The following DGKB variants were observed in gnomAD, a reference collection of about 807,000 sequenced individuals.
The protein encoded by DGKB is diacylglycerol kinase beta, also known as 90 kDa diacylglycerol kinase.
A neutral mutation model predicts 114.3 loss-of-function variants in DGKB; 67 were observed. The ratio of observed to expected loss-of-function variants is 0.59; its 90% CI spans 0.48 to 0.72. DGKB has a LOEUF of 0.72. Ranked by LOEUF, DGKB falls within the 30% of genes least tolerant of loss-of-function variation. DGKB has a pLI of 0.00. For missense variants in DGKB, 907 were observed against 975.2 expected, an observed-to-expected ratio of 0.93 and a Z score of 0.93; for synonymous variants, 398 against 323.1, an observed-to-expected ratio of 1.23 and a Z score of -2.49.
intron 2 of DGKB, among the ~76,000 whole-genome samples, chr7:14,780,327 G>A (rs1018292572): frequency 6.6e-6 from 1 of 152,132 alleles, no homozygotes; most frequent in African/African-American, 2.4e-5. Flanking sequence ...TGGTCTCTGT[G>A]CTTTAGCATC....
chr7:14,678,644 A>C (rs1297749397), intron 12 of DGKB, among the ~76,000 whole-genome samples: 1 of 152,080 alleles, frequency 6.6e-6, no homozygotes, highest in Admixed American at 6.6e-5. Flanking sequence ...TTATTATCAC[A>C]GAACTATTAT....
intron 2 of DGKB, among the ~76,000 whole-genome samples, chr7:14,772,704 A>G (rs77671560): frequency 0.021 from 3,265 of 152,250 alleles, 119 homozygotes; most frequent in African/African-American, 0.075. Flanking sequence ...TCCAATGTGA[A>G]TTTTAATCCT....
In DGKB at chr7:14,631,278, A is replaced by G. The variant is rs199935736; in HGVS notation, c.1135-1010T>C. On this transcript the variant is annotated intron_variant, in intron 13 of 25. Coordinates refer to ENST00000402815, the MANE Select transcript of DGKB (RefSeq NM_001350709.2). Reference sequence around the variant, plus strand: ...CAGCAAGAACCAAAAAAAAAAAAAAAAAAAGAAAAAAATAGCTGAATCTGA... The same window carrying G: ...CAGCAAGAACCAAAAAAAAAAAAAAGAAAAGAAAAAAATAGCTGAATCTGA... Among the ~76,000 whole-genome samples, 177 of 150,442 alleles carry G rather than the reference A, an allele frequency of 1.2e-3. 3 individuals carry two copies. The East Asian group carries it at 0.026, about 22-fold the overall frequency.
At chr7:14,764,588 G>T (rs1268236369) in intron 2 of DGKB, among the ~76,000 whole-genome samples, 2 of 151,758 alleles carry the variant, frequency 1.3e-5, no homozygotes, top group Non-Finnish European at 2.9e-5. Flanking sequence ...CTTTAAAAAA[G>T]GCTCTCAGTT....
intron 1 of DGKB, among the ~76,000 whole-genome samples, chr7:14,963,598 T>G (rs1284198400): frequency 1.3e-5 from 2 of 152,196 alleles, no homozygotes. Flanking sequence ...AGTGGAGGAA[T>G]GGTCGTCTGC....
In DGKB at chr7:14,204,442, A is replaced by C. The variant is rs186953518; in HGVS notation, c.2123-26291T>G. On this transcript the variant is annotated intron_variant, in intron 23 of 25. Transcript: ENST00000402815. ...CTATGTGGGTTAATCTGAGCAAGAA[A>C]ATGATTAGCCTGAAGTCTCTGGCTA... Among the ~76,000 whole-genome samples the C allele has an allele frequency of 3.9e-4, 60 of 152,140 alleles. 1 individual carries two copies. In the Middle Eastern group the frequency reaches 0.014, roughly 34 times the overall value.
intron 13 of DGKB, among the ~76,000 whole-genome samples, chr7:14,666,096 T>C (rs566143226): frequency 6.6e-6 from 1 of 152,090 alleles, no homozygotes; most frequent in South Asian, 2.1e-4. Context: ...TTAGTATAAA[T>C]TTAATTATAA....
At chr7:14,372,734 T>C (rs969105772) in intron 21 of DGKB, among the ~76,000 whole-genome samples, 8 of 152,126 alleles carry the variant, frequency 5.3e-5, no homozygotes, top group African/African-American at 1.4e-4. Flanking sequence ...GGGGCTCATA[T>C]ACTTTCCTGG....
At chr7:14,442,062 A>T (rs1473632755) in intron 21 of DGKB, among the ~76,000 whole-genome samples, 1 of 152,004 alleles carries the variant, frequency 6.6e-6, no homozygotes, top group Non-Finnish European at 1.5e-5. Context: ...AATGAGTGGG[A>T]AACAGTTCCT....
chr7:14,795,646 TG>T (rs1841303355), intron 2 of DGKB, among the ~76,000 whole-genome samples: 1 of 152,032 alleles, frequency 6.6e-6, no homozygotes, highest in East Asian at 1.9e-4. Context: ...AATTGGATCC[TG>T]GAGTGGGAGG....
intron 25 of DGKB, among the ~76,000 whole-genome samples, chr7:14,151,886 T>A (rs1021656390): frequency 1.3e-5 from 2 of 152,056 alleles, no homozygotes; most frequent in Non-Finnish European, 2.9e-5. Context: ...CATGTCTTGG[T>A]ATATTTGGGC....
intron 1 of DGKB, among the ~76,000 whole-genome samples, chr7:14,863,098 A>G (rs1851224796): frequency 6.8e-6 from 1 of 147,588 alleles, no homozygotes; most frequent in Non-Finnish European, 1.5e-5. Flanking sequence ...TAATAATATT[A>G]TTTTTAATTT....
intron 21 of DGKB, among the ~76,000 whole-genome samples, chr7:14,413,932 G>A (rs1825293069): frequency 6.6e-6 from 1 of 152,156 alleles, no homozygotes; most frequent in Non-Finnish European, 1.5e-5. Flanking sequence ...AGAGATTTGA[G>A]CACATTAAGA....
chr7:14,602,687 G>C (rs562503136), intron 17 of DGKB, among the ~76,000 whole-genome samples: 210 of 152,228 alleles, frequency 1.4e-3, no homozygotes, highest in African/African-American at 4.6e-3. Context: ...AAATCTCCTG[G>C]CCCCTGGACC....
chr7:14,940,480 G>A (rs1028008217), intron 1 of DGKB, among the ~76,000 whole-genome samples: 3 of 151,810 alleles, frequency 2.0e-5, no homozygotes, highest in Admixed American at 2.0e-4. Flanking sequence ...ACTTAATTGG[G>A]CTGAAAGTTA....
At chr7:14,252,169 T>G (rs2128393077) in intron 23 of DGKB, among the ~76,000 whole-genome samples, 1 of 152,284 alleles carries the variant, frequency 6.6e-6, no homozygotes, top group African/African-American at 2.4e-5. Flanking sequence ...TCCTGTAGGC[T>G]TCTTTCAGGT....
At chr7:14,310,994 G>C (rs1212907401) in intron 23 of DGKB, among the ~76,000 whole-genome samples, 2 of 151,972 alleles carry the variant, frequency 1.3e-5, no homozygotes, top group African/African-American at 4.8e-5. Context: ...CAGATGTGGT[G>C]GTGTGCGCCT....
chr7:14,215,769 G>A (rs1484470215), intron 23 of DGKB, among the ~76,000 whole-genome samples: 3 of 152,126 alleles, frequency 2.0e-5, no homozygotes, highest in Non-Finnish European at 4.4e-5. Context: ...AGTGTAATTA[G>A]TAACCAGTGT....
At chr7:14,703,913 A>C (rs552131695) in intron 6 of DGKB, among the ~76,000 whole-genome samples, 1 of 152,308 alleles carries the variant, frequency 6.6e-6, no homozygotes, top group East Asian at 1.9e-4. Flanking sequence ...TTTAAAAATG[A>C]ACTTACTATT....
Sources: gnomAD v4.1 joint callset for allele counts (sites outside exome capture counted in the v4.1 genomes callset) on GRCh38, gnomAD v4.1.1 for gene constraint, MANE v1.5 for transcripts, NCBI Gene and HGNC (gene_info 2026-07-23, HGNC 2026-07-21) for gene names.